RALYL: variants seen among roughly 807,000 people sequenced by gnomAD.
RALYL encodes the protein RALY RNA binding protein like, also known as RNA-binding Raly-like protein.
RALYL carries 29 observed loss-of-function variants against 35.1 expected under a neutral mutation model. The observed-to-expected ratio is 0.83, with a 90% CI of 0.61 to 1.13. The LOEUF is 1.13. RALYL is among the 50% of genes most tolerant of loss of function. The probability of loss-of-function intolerance (pLI) is 0.00; values close to 1 mark genes in which losing one functional copy is unlikely to be tolerated. For missense variants in RALYL, 359 were observed against 360.4 expected, an observed-to-expected ratio of 1.00 and a Z score of 0.03; for synonymous variants, 120 against 127.6, an observed-to-expected ratio of 0.94 and a Z score of 0.40.
chr8:84,529,507 C>T lies in RALYL; in HGVS notation c.186C>T (p.Tyr62=), dbSNP rs2059132707. Residue 62 remains tyrosine, a synonymous_variant, in exon 2 of 9, where the codon TAC becomes TAT. Coordinates refer to ENST00000521268, the MANE Select transcript of RALYL (RefSeq NM_173848.7). Reference sequence around the variant, plus strand: ...ACAAAGGTTATGCATTTGTACAGTACATGAGTGAGCGACATGCAAGAGCTG... The same window carrying T: ...ACAAAGGTTATGCATTTGTACAGTATATGAGTGAGCGACATGCAAGAGCTG... ...SVHKGYAFVQ[Y]MSERHARAAV... is the part of the protein sequence containing the mutation. 1 of 1,613,332 alleles carries T rather than the reference C, an allele frequency of 6.2e-7. No homozygotes were observed. The highest frequency in any genetic ancestry group is 1.1e-5 in the South Asian group (1 of 91,088).
Position 84,486,325 on chromosome 8 carries a change from T to A in RALYL, c.-23-42974T>A, listed in dbSNP as rs1326275297. Among the ~76,000 whole-genome samples the A allele has an allele frequency of 9.3e-5, 14 of 151,054 alleles. 1 individual carries two copies. Among genetic ancestry groups the A allele is most frequent in the Admixed American group, 9.2e-4 (14 of 15,152 alleles). ...AAAATATTCTTAGAAAAGCAAATAG[T>A]TAAAAATACTTAAAAGCTTAATATT... On this transcript the variant is annotated intron_variant, in intron 1 of 8. Coordinates refer to ENST00000521268, the MANE Select transcript of RALYL (RefSeq NM_173848.7).
At chr8:84,492,284 G>C (rs78907559) in intron 1 of RALYL, among the ~76,000 whole-genome samples, 1 of 151,918 alleles carries the variant, frequency 6.6e-6, no homozygotes, top group South Asian at 2.1e-4. Flanking sequence ...CCTACATTTA[G>C]AAGAAACCAC....
intron 2 of RALYL, among the ~76,000 whole-genome samples, chr8:84,586,783 C>T (rs1007425193): frequency 1.3e-5 from 2 of 152,160 alleles, no homozygotes; most frequent in African/African-American, 2.4e-5. Context: ...AAAAAAGTCT[C>T]ATGACCCTAA....
chr8:84,429,894 A>G (rs2046956372), intron 1 of RALYL, among the ~76,000 whole-genome samples: 1 of 152,040 alleles, frequency 6.6e-6, no homozygotes, highest in Non-Finnish European at 1.5e-5. Context: ...CATGGACACA[A>G]TTTTTACCTT....
In RALYL at chr8:84,348,410, T is replaced by C. The variant is rs373926917; in HGVS notation, c.-24+163986T>C. 1.1e-3 allele frequency among the ~76,000 whole-genome samples: 165 copies of C among 152,206 alleles called. 5 individuals carry two copies. The South Asian group carries it at 0.033, about 30-fold the overall frequency. On this transcript the variant is annotated intron_variant, in intron 1 of 8. Coordinates refer to ENST00000521268, the MANE Select transcript of RALYL (RefSeq NM_173848.7). ...CTTACATTGTTGCATTTCACTTACC[T>C]TGCAAGAGCTCACTGCATGTCCCAC...
intron 3 of RALYL, among the ~76,000 whole-genome samples, chr8:84,779,632 G>T (rs192559995): frequency 6.6e-6 from 1 of 152,274 alleles, no homozygotes; most frequent in Admixed American, 6.5e-5. Context: ...ATTGTCAGAA[G>T]ATAACCTACA....
At chr8:84,845,821 A>G (rs1365118602) in intron 4 of RALYL, among the ~76,000 whole-genome samples, 1 of 152,116 alleles carries the variant, frequency 6.6e-6, no homozygotes, top group African/African-American at 2.4e-5. Flanking sequence ...CAGTTTTTGT[A>G]TATGGTGAAA....
intron 1 of RALYL, among the ~76,000 whole-genome samples, chr8:84,263,295 T>C (rs573183325): frequency 6.6e-5 from 10 of 152,316 alleles, no homozygotes; most frequent in African/African-American, 2.4e-4. Context: ...CATAGAACAG[T>C]TGTCTGTCAT....
intron 1 of RALYL, among the ~76,000 whole-genome samples, chr8:84,229,380 G>A (rs751500387): frequency 6.6e-6 from 1 of 152,188 alleles, no homozygotes; most frequent in African/African-American, 2.4e-5. Context: ...ATCTGAACAT[G>A]TAGAATGCAA....
chr8:84,832,754 C>A (rs1831175159), intron 4 of RALYL, among the ~76,000 whole-genome samples: 1 of 152,126 alleles, frequency 6.6e-6, no homozygotes, highest in East Asian at 1.9e-4. Context: ...CATTAATCCT[C>A]TTCTCTAAAA....
chr8:84,744,861 A>G (rs1027916158), intron 2 of RALYL, among the ~76,000 whole-genome samples: 1 of 152,060 alleles, frequency 6.6e-6, no homozygotes, highest in Non-Finnish European at 1.5e-5. Flanking sequence ...GAGTTGAAGT[A>G]CAGGGAGTTT....
intron 1 of RALYL, among the ~76,000 whole-genome samples, chr8:84,319,393 A>G (rs957444524): frequency 6.6e-6 from 1 of 152,116 alleles, no homozygotes; most frequent in Non-Finnish European, 1.5e-5. Context: ...CTTGGTTTGA[A>G]AGTAGTTTTA....
chr8:84,919,411 T>C (rs1036331740), intron 8 of RALYL, among the ~76,000 whole-genome samples: 2 of 152,090 alleles, frequency 1.3e-5, no homozygotes, highest in African/African-American at 4.8e-5. Context: ...ATGCAGGTCA[T>C]ATACAAAACT....
rs574237211 is a variant in RALYL, at chr8:84,777,271, T to C, written c.332+2617T>C. 2.6e-5 allele frequency among the ~76,000 whole-genome samples: 4 copies of C among 152,306 alleles called. No individual in the cohort carries two copies. In the East Asian group the frequency reaches 7.7e-4, roughly 29 times the overall value. On this transcript the variant is annotated intron_variant, in intron 3 of 8. Transcript: ENST00000521268. ...CTAGATTATAGCTCCCTGTATTTAG[T>C]CACTTGCTACCATCTAAACAACACA...
intron 1 of RALYL, among the ~76,000 whole-genome samples, chr8:84,386,452 CT>C (rs1242920533): frequency 2.0e-5 from 3 of 151,760 alleles, no homozygotes; most frequent in African/African-American, 4.8e-5. Flanking sequence ...GAACGTTTGA[CT>C]TTGAAATTTT....
intron 2 of RALYL, among the ~76,000 whole-genome samples, chr8:84,630,083 G>A (rs562893028): frequency 6.6e-6 from 1 of 151,934 alleles, no homozygotes; most frequent in African/African-American, 2.4e-5. Flanking sequence ...GGACAATCAG[G>A]CTATATGATT....
intron 1 of RALYL, among the ~76,000 whole-genome samples, chr8:84,219,113 T>C (rs1484091166): frequency 6.6e-6 from 1 of 152,072 alleles, no homozygotes; most frequent in Non-Finnish European, 1.5e-5. Context: ...TGTGATTGTG[T>C]ACTGATATGG....
intron 1 of RALYL, among the ~76,000 whole-genome samples, chr8:84,220,827 G>GTTC (rs1822021758): frequency 6.6e-6 from 1 of 151,754 alleles, no homozygotes; most frequent in African/African-American, 2.4e-5. Flanking sequence ...AAGTAAAATT[G>GTTC]TTCATTTCCT....
chr8:84,483,749 G>A (rs111232489), intron 1 of RALYL, among the ~76,000 whole-genome samples: 1 of 152,060 alleles, frequency 6.6e-6, no homozygotes, highest in East Asian at 1.9e-4. Context: ...CAGAGACAAA[G>A]CATGCTGAGT....
Sources: gnomAD v4.1 joint callset for allele counts (sites outside exome capture counted in the v4.1 genomes callset) on GRCh38, gnomAD v4.1.1 for gene constraint, MANE v1.5 for transcripts, NCBI Gene and HGNC (gene_info 2026-07-23, HGNC 2026-07-21) for gene names.